The following SHISA9 variants were observed in gnomAD, a reference collection of about 807,000 sequenced individuals.
SHISA9 encodes protein shisa-9.
A neutral mutation model predicts 38.0 loss-of-function variants in SHISA9; 13 were observed. The ratio of observed to expected loss-of-function variants is 0.34; its 90% confidence interval spans 0.22 to 0.54. The LOEUF (loss-of-function observed/expected upper bound fraction) is 0.54. Among genes scored for constraint, SHISA9 ranks in the 20% least tolerant of loss-of-function variants. SHISA9 has a pLI of 0.91. For missense variants in SHISA9, 538 were observed against 575.8 expected (o/e 0.93, Z 0.67); for synonymous variants, 275 against 242.0 (o/e 1.14, Z -1.27).
chr16:13,558,787 A>G, the SHISA9 span, among the ~76,000 whole-genome samples: 2 of 152,190 alleles, frequency 1.3e-5, no homozygotes, highest in Non-Finnish European at 2.9e-5. Flanking sequence ...AAAAAAAGAT[A>G]TTTGTTTATC....
the SHISA9 span, among the ~76,000 whole-genome samples, chr16:13,452,798 C>T: frequency 6.6e-6 from 1 of 151,908 alleles, no homozygotes; most frequent in East Asian, 2.0e-4. Context: ...ATACACCAAG[C>T]TGTCTGGGGC....
chr16:13,219,171 G>A (rs183488773), intron 4 of SHISA9, among the ~76,000 whole-genome samples: 200 of 152,304 alleles, frequency 1.3e-3, no homozygotes, highest in African/African-American at 4.6e-3. Context: ...TGTAGAAAAT[G>A]CTCTTGCATC....
chr16:13,444,207 C>CA, the SHISA9 span, among the ~76,000 whole-genome samples: 22 of 152,180 alleles, frequency 1.4e-4, no homozygotes, highest in East Asian at 3.5e-3. Flanking sequence ...CCTGTCTTTA[C>CA]AAAAAATATG....
Position 13,092,426 on chromosome 16 carries a change from A to G in SHISA9, c.692-110968A>G, listed in dbSNP as rs556417182. On this transcript the variant is annotated intron_variant, in intron 2 of 4. Transcript: ENST00000558583. ...TTTTGTTCAGCTATGCCCTGCCCAC[A>G]GAGGTGGAATCTAGAGGCAGTAGGC... Among the ~76,000 whole-genome samples, 4 of 152,342 alleles carry G rather than the reference A, an allele frequency of 2.6e-5. No individual in the cohort carries two copies. In the South Asian group the frequency reaches 8.3e-4, roughly 32 times the overall value.
chr16:13,390,531 G>C, the SHISA9 span, among the ~76,000 whole-genome samples: 1 of 152,102 alleles, frequency 6.6e-6, no homozygotes, highest in African/African-American at 2.4e-5. Flanking sequence ...TTCTCACTCT[G>C]CTGCTGCCCT....
chr16:13,300,457 CTG>C, the SHISA9 span, among the ~76,000 whole-genome samples: 180 of 152,216 alleles, frequency 1.2e-3, no homozygotes, highest in African/African-American at 4.3e-3. Context: ...TCGACCTACT[CTG>C]TGATATGGTC....
At chr16:12,932,806 C>T (rs947618303) in intron 2 of SHISA9, among the ~76,000 whole-genome samples, 29 of 152,140 alleles carry the variant, frequency 1.9e-4, no homozygotes, top group African/African-American at 6.8e-4. Flanking sequence ...GATGACATGT[C>T]GTGGCTCCCT....
chr16:13,414,792 T>C, the SHISA9 span, among the ~76,000 whole-genome samples: 2 of 152,004 alleles, frequency 1.3e-5, no homozygotes, highest in African/African-American at 4.8e-5. Context: ...CCACCACGTC[T>C]GGCTAATTTT....
At chr16:13,535,604 A>G in the SHISA9 span, among the ~76,000 whole-genome samples, 7 of 152,226 alleles carry the variant, frequency 4.6e-5, no homozygotes, top group Admixed American at 6.5e-5. Flanking sequence ...CATTTGGCTC[A>G]CAAAGTCTAA....
At chr16:13,126,620 AG>A (rs1251992883) in intron 2 of SHISA9, among the ~76,000 whole-genome samples, 1 of 134,870 alleles carries the variant, frequency 7.4e-6, no homozygotes, top group Non-Finnish European at 1.6e-5. Flanking sequence ...AAAGAGATGG[AG>A]GCAGAGGGGT....
intron 2 of SHISA9, among the ~76,000 whole-genome samples, chr16:12,953,469 T>A (rs1170352739): frequency 1.3e-5 from 2 of 152,206 alleles, no homozygotes; most frequent in Non-Finnish European, 2.9e-5. Context: ...GCCAGACACC[T>A]AACACCAAGC....
chr16:13,362,980 C>G, the SHISA9 span, among the ~76,000 whole-genome samples: 1 of 152,210 alleles, frequency 6.6e-6, no homozygotes, highest in Non-Finnish European at 1.5e-5. Flanking sequence ...TTCACATCTG[C>G]TGCACTTGTG....
chr16:13,252,575 T>G, the SHISA9 span, among the ~76,000 whole-genome samples: 71 of 152,192 alleles, frequency 4.7e-4, no homozygotes, highest in African/African-American at 1.6e-3. Context: ...TATTTCACCT[T>G]CTCAGTGAGG....
intron 1 of SHISA9, among the ~76,000 whole-genome samples, chr16:12,914,923 C>G (rs1449135696): frequency 1.3e-5 from 2 of 152,178 alleles, no homozygotes; most frequent in African/African-American, 4.8e-5. Flanking sequence ...GATAGGTGGA[C>G]TGTTGTTTGA....
At chr16:13,082,502 A>C (rs1018558345) in intron 2 of SHISA9, 29 of 152,028 alleles carry the variant, frequency 1.9e-4, no homozygotes, top group Non-Finnish European at 4.1e-4. Flanking sequence ...CAGAAGAGAG[A>C]GTGTCTCTGC....
intron 2 of SHISA9, among the ~76,000 whole-genome samples, chr16:13,151,995 G>A (rs759044264): frequency 6.6e-5 from 10 of 152,156 alleles, no homozygotes; most frequent in South Asian, 4.1e-4. Flanking sequence ...CATTTCTGCC[G>A]CCTTTACCTC....
the SHISA9 span, among the ~76,000 whole-genome samples, chr16:13,396,560 A>G: frequency 0.095 from 14,490 of 152,244 alleles, 1,531 homozygotes; most frequent in African/African-American, 0.26. Context: ...TCTCTCAGAC[A>G]GACTAGACCC....
At chr16:13,395,665 T>TACC in the SHISA9 span, among the ~76,000 whole-genome samples, 1 of 152,264 alleles carries the variant, frequency 6.6e-6, no homozygotes, top group Non-Finnish European at 1.5e-5. Flanking sequence ...CCATAAGCTC[T>TACC]TGCAAGGTGG....
the SHISA9 span, among the ~76,000 whole-genome samples, chr16:13,543,938 T>G: frequency 1.3e-5 from 2 of 152,174 alleles, no homozygotes; most frequent in African/African-American, 4.8e-5. Context: ...ATTGCAGGGC[T>G]AGGCTTAAAA....
Sources: allele counts gnomAD v4.1 joint callset (sites outside exome capture counted in the v4.1 genomes callset), GRCh38; gene constraint gnomAD v4.1.1; transcripts MANE v1.5; gene names NCBI Gene and HGNC (gene_info 2026-07-23, HGNC 2026-07-21).